The following PEF1 variants were observed in gnomAD, a reference collection of about 807,000 sequenced individuals.
The protein encoded by PEF1 is peflin.
Under a neutral mutation model 32.0 loss-of-function variants are expected in PEF1, and 17 were observed. The ratio of observed to expected loss-of-function variants is 0.53; its 90% CI spans 0.36 to 0.80. The LOEUF (loss-of-function observed/expected upper bound fraction) is 0.80. Among genes scored for constraint, PEF1 ranks in the 30% least tolerant of loss-of-function variants. The pLI is 0.00. For synonymous variants in PEF1, 130 were observed against 139.8 expected, an observed-to-expected ratio of 0.93 and a Z score of 0.50; for missense variants, 362 against 369.1, an observed-to-expected ratio of 0.98 and a Z score of 0.16.
At chr1:31,634,667 C>G (rs1449298617) in intron 2 of PEF1, among the ~76,000 whole-genome samples, 1 of 152,126 alleles carries the variant, frequency 6.6e-6, no homozygotes, top group African/African-American at 2.4e-5. Flanking sequence ...GTTCAATAAT[C>G]TATTATTAGA....
rs767788682 is a variant in PEF1 at position 31,635,484 on chromosome 1, A to AG, written c.62dup (p.Pro22SerfsTer3). 2.6e-6 allele frequency: 4 copies of AG among 1,530,538 alleles called. No individual in the cohort carries two copies. The Admixed American group carries it at 8.5e-5, about 32-fold the overall frequency. The allele number at this position is 1,530,538 out of a possible 1,614,324, so 94.8% of individuals were successfully genotyped here. A position where few individuals can be genotyped will look rare whatever the true frequency, so the allele number is the denominator to read the frequency against. On this transcript the variant is annotated frameshift_variant, in exon 2 of 5. Transcript: ENST00000373703. LOFTEE classifies it high-confidence loss of function. ...GGGGTCCAGGGTAGTAGCTACCCGG[A>AG]GGGGCTCCTGGTGCTTGTCCTGCAG...
At position 31,633,195 on chromosome 1, in the gene PEF1, A is replaced by T. The variant is rs1640162016; in HGVS notation, c.445T>A (p.Ser149Thr). 1 of 1,614,034 alleles carries T rather than the reference A, an allele frequency of 6.2e-7. No individual in the cohort carries two copies. Among genetic ancestry groups the T allele is most frequent in the Admixed American group, 1.7e-5 (1 of 60,008 alleles). The change falls in exon 3 of 5, where the codon TCT (serine) becomes ACT (threonine). Residue 149 changes from serine (S) to threonine (T), a missense_variant. Transcript: ENST00000373703. ...LKQALVNCNW[S>T]SFNDETCLMM... ...AGGCAGGTCTCATCATTGAATGAAG[A>T]CCAATTGCAGTTGACCAGGGCCTGC...
intron 4 of PEF1, 94 bp downstream of exon 4, chr1:31,632,401 C>A (rs537267100): frequency 1.3e-6 from 2 of 1,588,436 alleles, no homozygotes; most frequent in South Asian, 1.1e-5. Context: ...GGTGGACATT[C>A]GGTAACAAGA....
At chr1:31,634,068 G>A (rs1420137052) in intron 2 of PEF1, among the ~76,000 whole-genome samples, 1 of 152,122 alleles carries the variant, frequency 6.6e-6, no homozygotes, top group Non-Finnish European at 1.5e-5. Flanking sequence ...CACAAAGACA[G>A]CCATGGGCAG....
chr1:31,638,354 CT>C (rs966840953), intron 1 of PEF1, among the ~76,000 whole-genome samples: 29 of 152,314 alleles, frequency 1.9e-4, no homozygotes, highest in Middle Eastern at 3.4e-3. Context: ...CACCCAATGA[CT>C]CCCCCTGCCT....
At chr1:31,643,909 T>TA in intron 1 of PEF1, 2 of 152,288 alleles carry the variant, frequency 1.3e-5, no homozygotes, top group South Asian at 4.1e-4. Context: ...AGAAGTCTAC[T>TA]AAAAATCAAA....
At position 31,632,948 on chromosome 1, in the gene PEF1, C is replaced by T. The variant is rs536378228; in HGVS notation, c.481+211G>A. ...CTACAGAAGAGGAAACTAAGTTAAC[C>T]TGTAACTAGGCAGGGTCTAGAACTT... On this transcript the variant is annotated intron_variant, in intron 3 of 4. Coordinates refer to ENST00000373703, the MANE Select transcript of PEF1 (RefSeq NM_012392.4). 8.5e-5 allele frequency among the ~76,000 whole-genome samples: 13 copies of T among 152,318 alleles called. No individual in the cohort carries two copies. In the East Asian group the frequency reaches 2.5e-3, roughly 29 times the overall value.
At chr1:31,640,157 C>A (rs1640358655) in intron 1 of PEF1, among the ~76,000 whole-genome samples, 1 of 152,196 alleles carries the variant, frequency 6.6e-6, no homozygotes, top group African/African-American at 2.4e-5. Flanking sequence ...TAAGCTACAT[C>A]TGATGCCCTG....
intron 1 of PEF1, among the ~76,000 whole-genome samples, chr1:31,638,282 G>C (rs1244092984): frequency 6.6e-6 from 1 of 152,140 alleles, no homozygotes; most frequent in Non-Finnish European, 1.5e-5. Flanking sequence ...GGGAGGGAGG[G>C]AGGGACTTGC....
At chr1:31,638,183 C>T (rs1640306090) in intron 1 of PEF1, among the ~76,000 whole-genome samples, 2 of 152,058 alleles carry the variant, frequency 1.3e-5, no homozygotes, top group Admixed American at 6.5e-5. Context: ...ACTTAGAGAA[C>T]GAACAGGATT....
chr1:31,631,116 G>A (rs997171558), intron 4 of PEF1, among the ~76,000 whole-genome samples: 2 of 152,144 alleles, frequency 1.3e-5, no homozygotes, highest in Non-Finnish European at 2.9e-5. Context: ...TTGCAGAGAC[G>A]ACAACGGACT....
At chr1:31,636,861 C>T (rs1640266074) in intron 1 of PEF1, among the ~76,000 whole-genome samples, 1 of 152,154 alleles carries the variant, frequency 6.6e-6, no homozygotes, top group Non-Finnish European at 1.5e-5. Flanking sequence ...TCCATCTTCC[C>T]ACACCAGTAG....
At chr1:31,643,239 T>C (rs1640450371) in intron 1 of PEF1, among the ~76,000 whole-genome samples, 1 of 152,268 alleles carries the variant, frequency 6.6e-6, no homozygotes, top group African/African-American at 2.4e-5. Flanking sequence ...TACTGCATAT[T>C]ATATTCCTTT....
chr1:31,636,123 C>T (rs554706340), intron 1 of PEF1, among the ~76,000 whole-genome samples: 3 of 152,134 alleles, frequency 2.0e-5, no homozygotes, highest in Non-Finnish European at 4.4e-5. Flanking sequence ...TAAGGCAATA[C>T]GATACAATGC....
At chr1:31,639,909 AGT>A (rs1640353218) in intron 1 of PEF1, among the ~76,000 whole-genome samples, 1 of 152,320 alleles carries the variant, frequency 6.6e-6, no homozygotes, top group South Asian at 2.1e-4. Flanking sequence ...AGGGTCACCC[AGT>A]GTCACTGAGT....
At chr1:31,644,536 T>A (rs1045438250) in intron 1 of PEF1, 6 of 1,357,450 alleles carry the variant, frequency 4.4e-6, no homozygotes, top group Non-Finnish European at 4.7e-6. Flanking sequence ...AAGGCCCCCA[T>A]GAGGGCCTTG....
intron 2 of PEF1, among the ~76,000 whole-genome samples, chr1:31,634,462 C>T (rs565159392): frequency 8.5e-5 from 13 of 152,236 alleles, no homozygotes; most frequent in African/African-American, 2.4e-4. Context: ...GAGATAACAG[C>T]AAAATAAAAT....
intron 1 of PEF1, among the ~76,000 whole-genome samples, chr1:31,641,018 TAGG>T (rs1431693528): frequency 6.6e-6 from 1 of 152,110 alleles, no homozygotes; most frequent in African/African-American, 2.4e-5. Flanking sequence ...CCACTTGAAA[TAGG>T]AGAGAAGCAC....
intron 1 of PEF1, among the ~76,000 whole-genome samples, chr1:31,642,806 G>A (rs984327892): frequency 1.3e-5 from 2 of 152,172 alleles, no homozygotes; most frequent in African/African-American, 4.8e-5. Context: ...CAGGCTCCCT[G>A]CATTTTAACC....
Sources: allele counts gnomAD v4.1 joint callset (sites outside exome capture counted in the v4.1 genomes callset), GRCh38; gene constraint gnomAD v4.1.1; transcripts MANE v1.5; gene names NCBI Gene and HGNC (gene_info 2026-07-23, HGNC 2026-07-21).